Variants in SRRM4 observed in about 807,000 individuals in gnomAD.
SRRM4 encodes the protein serine/arginine repetitive matrix protein 4.
SRRM4 carries 33 observed loss-of-function variants against 68.9 expected under a neutral mutation model. That is an observed-to-expected ratio of 0.48 (90% confidence interval 0.36 to 0.64). The LOEUF (loss-of-function observed/expected upper bound fraction) is 0.64, where lower values mean the gene tolerates loss of function less well. Ranked by LOEUF, SRRM4 falls within the 30% of genes least tolerant of loss-of-function variation. The probability of loss-of-function intolerance (pLI) is 0.00; values close to 1 mark genes in which losing one functional copy is unlikely to be tolerated. For synonymous variants in SRRM4, 318 were observed against 318.8 expected, an observed-to-expected ratio of 1.00 and a Z score of 0.03; for missense variants, 817 against 827.1, an observed-to-expected ratio of 0.99 and a Z score of 0.15.
chr12:119,041,406 T>C (rs1041108344), intron 1 of SRRM4, among the ~76,000 whole-genome samples: 2 of 152,190 alleles, frequency 1.3e-5, no homozygotes, highest in Non-Finnish European at 2.9e-5. Flanking sequence ...ATTCTGAAGA[T>C]CCAGTGAAAT....
chr12:119,138,120 G>A (rs557662301), intron 8 of SRRM4, among the ~76,000 whole-genome samples: 1 of 152,280 alleles, frequency 6.6e-6, no homozygotes, highest in Non-Finnish European at 1.5e-5. Context: ...AGGGGCAGCT[G>A]TAATTGCTCT....
At chr12:119,122,603 A>C (rs11064670) in intron 6 of SRRM4, among the ~76,000 whole-genome samples, 10,529 of 152,244 alleles carry the variant, frequency 0.069, 443 homozygotes, top group Middle Eastern at 0.11. Context: ...TGTATACAAT[A>C]TGGGAACATT....
In SRRM4 at chr12:119,036,402, G is replaced by A. The variant is rs916794956; in HGVS notation, c.131+54389G>A. ...TCCAGGCCCATCGTTCTGAGCATAC[G>A]GTGGCTTGCAGCTGAGCTTGGGCCT... On this transcript the variant is annotated intron_variant, in intron 1 of 12. Transcript: ENST00000267260. 5.9e-5 allele frequency among the ~76,000 whole-genome samples: 9 copies of A among 152,258 alleles called. No individual in the cohort carries two copies. The South Asian group carries it at 1.2e-3, about 21-fold the overall frequency.
At chr12:119,032,834 T>G (rs1953600359) in intron 1 of SRRM4, among the ~76,000 whole-genome samples, 1 of 152,168 alleles carries the variant, frequency 6.6e-6, no homozygotes, top group South Asian at 2.1e-4. Flanking sequence ...GTTTCACCAA[T>G]TTTCTGTCTC....
At position 119,151,047 on chromosome 12, in the gene SRRM4, C is replaced by T. The variant is rs371219091; in HGVS notation, c.1107C>T (p.Ala369=). ...TTCAGTCACCGTGTCTGGAATGTGCCGAAGTGAAGAAGTCCAGTTTGGTCC... is the reference window on the plus strand; with the variant it reads ...TTCAGTCACCGTGTCTGGAATGTGCTGAAGTGAAGAAGTCCAGTTTGGTCC... ...RGFQSPCLEC[A]EVKKSSLVPS... Residue 369 remains alanine, a synonymous_variant, in exon 10 of 13, where the codon GCC becomes GCT. Transcript: ENST00000267260. 27 of 1,613,824 alleles carry T rather than the reference C, an allele frequency of 1.7e-5. No individual in the cohort carries two copies. The East Asian group carries it at 2.0e-4, about 12-fold the overall frequency.
At chr12:119,018,697 T>C (rs558428499) in intron 1 of SRRM4, among the ~76,000 whole-genome samples, 31 of 152,276 alleles carry the variant, frequency 2.0e-4, no homozygotes, top group African/African-American at 6.7e-4. Flanking sequence ...ATGGATTTAA[T>C]TGAGAATGCT....
chr12:119,111,453 G>A (rs530047981), intron 2 of SRRM4, among the ~76,000 whole-genome samples: 2 of 152,298 alleles, frequency 1.3e-5, no homozygotes, highest in South Asian at 2.1e-4. Context: ...AATCAAGGAC[G>A]AAGTTCTCAA....
At chr12:119,084,323 G>A (rs1953967333) in intron 1 of SRRM4, among the ~76,000 whole-genome samples, 1 of 152,206 alleles carries the variant, frequency 6.6e-6, no homozygotes, top group South Asian at 2.1e-4. Flanking sequence ...GAAGGTGAGA[G>A]GGGAAGGCAG....
At chr12:119,019,740 C>G (rs1457629227) in intron 1 of SRRM4, among the ~76,000 whole-genome samples, 1 of 152,198 alleles carries the variant, frequency 6.6e-6, no homozygotes, top group African/African-American at 2.4e-5. Flanking sequence ...CCAACATCCC[C>G]TTTCCTGCTA....
At chr12:119,074,954 G>A (rs1953899387) in intron 1 of SRRM4, among the ~76,000 whole-genome samples, 2 of 152,214 alleles carry the variant, frequency 1.3e-5, no homozygotes, top group African/African-American at 4.8e-5. Flanking sequence ...CTGTGAGATG[G>A]AAGAGAAAAT....
chr12:119,058,252 A>G (rs571832828), intron 1 of SRRM4, among the ~76,000 whole-genome samples: 1 of 152,352 alleles, frequency 6.6e-6, no homozygotes, highest in Admixed American at 6.5e-5. Context: ...AACACTAATA[A>G]TACTAAGTAT....
chr12:119,078,876 G>A (rs1243507293), intron 1 of SRRM4, among the ~76,000 whole-genome samples: 4 of 152,192 alleles, frequency 2.6e-5, no homozygotes, highest in African/African-American at 9.7e-5. Context: ...GCTACATTAA[G>A]TTATGACCAC....
intron 8 of SRRM4, among the ~76,000 whole-genome samples, chr12:119,144,960 T>C (rs923418596): frequency 1.3e-5 from 2 of 152,194 alleles, no homozygotes; most frequent in Non-Finnish European, 2.9e-5. Context: ...TTCCAAGATA[T>C]ATTTTTTCAG....
chr12:118,997,464 C>A (rs1953356617), intron 1 of SRRM4, among the ~76,000 whole-genome samples: 1 of 152,216 alleles, frequency 6.6e-6, no homozygotes, highest in African/African-American at 2.4e-5. Context: ...GGATCTCTCT[C>A]TCTCTCTCCC....
At chr12:119,090,182 A>T (rs1954005254) in intron 1 of SRRM4, among the ~76,000 whole-genome samples, 2 of 152,086 alleles carry the variant, frequency 1.3e-5, no homozygotes. Flanking sequence ...GAGTCACTTA[A>T]TCTGTCTTCT....
intron 2 of SRRM4, among the ~76,000 whole-genome samples, chr12:119,113,057 C>T (rs1954154658): frequency 6.6e-6 from 1 of 152,068 alleles, no homozygotes; most frequent in African/African-American, 2.4e-5. Context: ...ATAGTCTCTC[C>T]TCCAGCTGTT....
intron 2 of SRRM4, among the ~76,000 whole-genome samples, chr12:119,106,818 T>C (rs556460771): frequency 7.4e-4 from 112 of 152,330 alleles, no homozygotes; most frequent in African/African-American, 2.7e-3. Flanking sequence ...TCCTGCCTGA[T>C]TGCCCTGGCC....
chr12:119,120,325 C>A (rs1018335547), intron 5 of SRRM4, 49 bp downstream of exon 5: 2 of 1,547,512 alleles, frequency 1.3e-6, no homozygotes, highest in South Asian at 1.2e-5. Flanking sequence ...GCTTTCTCAG[C>A]CAGCTTGGGG....
Position 119,068,868 on chromosome 12 carries a change from G to T in SRRM4, c.132-33368G>T, listed in dbSNP as rs139380562. ...AACAAGAAGGTCTAGAGTCTGGGAG[G>T]AATCCCTACATGAGGCGTCGGGAGG... On this transcript the variant is annotated intron_variant, in intron 1 of 12. Transcript: ENST00000267260. Among the ~76,000 whole-genome samples the T allele has an allele frequency of 5.8e-4, 88 of 152,236 alleles. No individual in the cohort carries two copies. The East Asian group carries it at 0.016, about 27-fold the overall frequency.
Sources: gnomAD v4.1 joint callset for allele counts (sites outside exome capture counted in the v4.1 genomes callset) on GRCh38, gnomAD v4.1.1 for gene constraint, MANE v1.5 for transcripts, NCBI Gene and HGNC (gene_info 2026-07-23, HGNC 2026-07-21) for gene names.